The following ERG variants were observed in gnomAD, a reference collection of about 807,000 sequenced individuals.
The protein encoded by ERG is ETS transcription factor ERG.
A neutral mutation model predicts 55.3 loss-of-function variants in ERG; 9 were observed. That is an observed-to-expected ratio of 0.16 (90% CI 0.10 to 0.28). ERG has a LOEUF of 0.28. ERG is among the 10% of genes least tolerant of loss of function. The pLI, the probability that ERG is intolerant of heterozygous loss-of-function variation, is 1.00. For missense variants in ERG, 434 were observed against 631.6 expected, an observed-to-expected ratio of 0.69 and a Z score of 3.35; for synonymous variants, 223 against 237.3, an observed-to-expected ratio of 0.94 and a Z score of 0.55.
intron 2 of ERG, among the ~76,000 whole-genome samples, chr21:38,527,822 T>C (rs2059640976): frequency 6.8e-6 from 1 of 146,388 alleles, no homozygotes; most frequent in Non-Finnish European, 1.5e-5. Context: ...TATGTGGCTG[T>C]CTTCAAAACA....
chr21:38,652,304 G>A (rs766488688), intron 1 of ERG, among the ~76,000 whole-genome samples: 9 of 152,118 alleles, frequency 5.9e-5, no homozygotes, highest in Non-Finnish European at 7.4e-5. Context: ...CTCAGCCTCC[G>A]GGTAGCATGC....
intron 2 of ERG, among the ~76,000 whole-genome samples, chr21:38,526,703 C>G (rs950518982): frequency 8.5e-5 from 13 of 152,074 alleles, no homozygotes; most frequent in Non-Finnish European, 1.9e-4. Flanking sequence ...TGAGGAGGGT[C>G]AGGAAGGTTT....
intron 5 of ERG, 48 bp downstream of exon 5, chr21:38,402,509 G>T: frequency 2.1e-6 from 3 of 1,441,736 alleles, no homozygotes; most frequent in Non-Finnish European, 2.9e-6. Context: ...CAACCTGTAC[G>T]TAAGACCCTA....
intron 2 of ERG, among the ~76,000 whole-genome samples, chr21:38,534,863 C>T (rs373554657): frequency 6.6e-6 from 1 of 152,050 alleles, no homozygotes; most frequent in African/African-American, 2.4e-5. Context: ...ATGTGGCATA[C>T]AATAAAATGT....
intron 1 of ERG, among the ~76,000 whole-genome samples, chr21:38,603,837 G>A (rs562696544): frequency 3.3e-5 from 5 of 152,106 alleles, no homozygotes; most frequent in Admixed American, 2.0e-4. Flanking sequence ...AGATTTTTGG[G>A]GGTGGAGGTT....
intron 1 of ERG, among the ~76,000 whole-genome samples, chr21:38,466,026 A>G (rs1289094308): frequency 6.6e-6 from 1 of 152,108 alleles, no homozygotes; most frequent in Non-Finnish European, 1.5e-5. Flanking sequence ...GGTGTTGGAG[A>G]GATGAGTGCT....
At chr21:38,520,020 TACAC>T (rs376769671) in intron 2 of ERG, among the ~76,000 whole-genome samples, 1 of 137,154 alleles carries the variant, frequency 7.3e-6, no homozygotes, top group Non-Finnish European at 1.5e-5. Flanking sequence ...CACACACACA[TACAC>T]ACACACACAA....
downstream of ERG, among the ~76,000 whole-genome samples, chr21:38,379,627 AT>A (rs1378135214): frequency 2.0e-5 from 3 of 152,168 alleles, no homozygotes; most frequent in Non-Finnish European, 4.4e-5. Context: ...ATAGTTTAAC[AT>A]TTTTTTGTGA....
chr21:38,541,385 C>A lies in ERG; in HGVS notation c.-41+34277G>T, dbSNP rs188396035. On this transcript the variant is annotated intron_variant, in intron 2 of 8. Transcript: ENST00000398897. Reference sequence around the variant, plus strand: ...TTGCCTGGATAGCACTGGCTAAGAACTGCTTTGTCTCCCATTTCACCTTGC... The same window carrying A: ...TTGCCTGGATAGCACTGGCTAAGAAATGCTTTGTCTCCCATTTCACCTTGC... 1.3e-4 allele frequency among the ~76,000 whole-genome samples: 20 copies of A among 152,284 alleles called. No homozygotes were observed. In the East Asian group the frequency reaches 2.7e-3, roughly 21 times the overall value.
chr21:38,529,825 G>C (rs2059659106), intron 2 of ERG, among the ~76,000 whole-genome samples: 1 of 151,872 alleles, frequency 6.6e-6, no homozygotes, highest in South Asian at 2.1e-4. Flanking sequence ...TATTAGCCAG[G>C]CATGGTGGTG....
At chr21:38,611,911 CTT>C (rs1568948873) in intron 1 of ERG, among the ~76,000 whole-genome samples, 2 of 148,554 alleles carry the variant, frequency 1.3e-5, no homozygotes, top group Non-Finnish European at 3.0e-5. Flanking sequence ...GGTTTATAAA[CTT>C]AGTGCTGGGC....
At chr21:38,597,709 C>T (rs1201197572) in intron 1 of ERG, among the ~76,000 whole-genome samples, 1 of 152,066 alleles carries the variant, frequency 6.6e-6, no homozygotes, top group Admixed American at 6.5e-5. Context: ...AACCATACTC[C>T]CAGCATCTGA....
intron 2 of ERG, among the ~76,000 whole-genome samples, chr21:38,546,511 C>T (rs1459689145): frequency 2.0e-5 from 3 of 152,136 alleles, no homozygotes; most frequent in Non-Finnish European, 4.4e-5. Context: ...GATATGAGCT[C>T]ATTCTTCAGG....
rs1244239640 is a variant in ERG at position 38,565,714 on chromosome 21, C to T, written c.-41+9948G>A. ...CTTCCCTAACCTTTCGTGTAAAATTCTACCTCTCCCTTCCTCAGTCTCTTG... is the reference window on the plus strand; with the variant it reads ...CTTCCCTAACCTTTCGTGTAAAATTTTACCTCTCCCTTCCTCAGTCTCTTG... On this transcript the variant is annotated intron_variant, in intron 2 of 8. Transcript: ENST00000398897. Among the ~76,000 whole-genome samples, 4 of 152,290 alleles carry T rather than the reference C, an allele frequency of 2.6e-5. No homozygotes were observed. The East Asian group carries it at 7.7e-4, about 29-fold the overall frequency.
intron 1 of ERG, among the ~76,000 whole-genome samples, chr21:38,479,760 C>G (rs1478636706): frequency 1.3e-5 from 2 of 152,192 alleles, no homozygotes; most frequent in African/African-American, 4.8e-5. Flanking sequence ...TAAGCACTTA[C>G]TATCCACTGT....
chr21:38,488,714 C>T (rs1353943847), intron 1 of ERG, among the ~76,000 whole-genome samples: 4 of 152,138 alleles, frequency 2.6e-5, no homozygotes, highest in Admixed American at 6.5e-5. Flanking sequence ...TAGAAAAGGC[C>T]TTCCATTGAA....
At chr21:38,438,849 C>A (rs1043214539) in intron 2 of ERG, among the ~76,000 whole-genome samples, 4 of 152,174 alleles carry the variant, frequency 2.6e-5, no homozygotes, top group African/African-American at 7.2e-5. Context: ...TCTCAGACTA[C>A]CAGGCATCGG....
At chr21:38,661,319 A>G (rs2060554939) in intron 1 of ERG, among the ~76,000 whole-genome samples, 1 of 152,204 alleles carries the variant, frequency 6.6e-6, no homozygotes, top group Non-Finnish European at 1.5e-5. Flanking sequence ...TTGCGACACT[A>G]AGACGTTTAT....
intron 1 of ERG, among the ~76,000 whole-genome samples, chr21:38,453,841 G>A (rs2058963575): frequency 1.4e-5 from 2 of 143,180 alleles, no homozygotes; most frequent in South Asian, 2.2e-4. Context: ...CTGAGATCGC[G>A]CCACGGCACT....
Sources: gnomAD v4.1 joint callset for allele counts (sites outside exome capture counted in the v4.1 genomes callset) on GRCh38, gnomAD v4.1.1 for gene constraint, MANE v1.5 for transcripts, NCBI Gene and HGNC (gene_info 2026-07-23, HGNC 2026-07-21) for gene names.